FGF14: variants seen among roughly 807,000 people sequenced by gnomAD.
FGF14 encodes fibroblast growth factor 14, also known as fibroblast growth factor homologous factor 4.
FGF14 carries 5 observed loss-of-function variants against 25.5 expected under a neutral mutation model. That is an observed-to-expected ratio of 0.20 (90% confidence interval 0.10 to 0.41). The LOEUF is 0.41. Among genes scored for constraint, FGF14 ranks in the 10% least tolerant of loss-of-function variants. The pLI is 1.00. For synonymous variants in FGF14, 138 were observed against 118.3 expected, an observed-to-expected ratio of 1.17 and a Z score of -1.08; for missense variants, 222 against 320.1, an observed-to-expected ratio of 0.69 and a Z score of 2.34.
chr13:102,235,059 A>C (rs770712582), intron 1 of FGF14, among the ~76,000 whole-genome samples: 3 of 152,230 alleles, frequency 2.0e-5, no homozygotes, highest in Non-Finnish European at 4.4e-5. Context: ...GGCCAAACCA[A>C]TGTATCATTT....
chr13:102,082,504 G>C (rs1386492592), intron 1 of FGF14, among the ~76,000 whole-genome samples: 1 of 152,152 alleles, frequency 6.6e-6, no homozygotes, highest in Non-Finnish European at 1.5e-5. Context: ...GGATAAACAA[G>C]TGACTTAAAT....
chr13:101,842,398 C>T (rs144165827), intron 3 of FGF14, among the ~76,000 whole-genome samples: 344 of 152,082 alleles, frequency 2.3e-3, no homozygotes, highest in African/African-American at 8.1e-3. Context: ...ATTAGTTTTA[C>T]AAATGGCAAA....
chr13:102,335,557 T>G (rs2056766355), intron 1 of FGF14, among the ~76,000 whole-genome samples: 1 of 151,802 alleles, frequency 6.6e-6, no homozygotes, highest in Non-Finnish European at 1.5e-5. Flanking sequence ...CGAATGCCTA[T>G]GAAAGAAAGA....
At chr13:101,893,234 T>C (rs1474443138) in intron 1 of FGF14, among the ~76,000 whole-genome samples, 2 of 152,226 alleles carry the variant, frequency 1.3e-5, no homozygotes, top group African/African-American at 4.8e-5. Context: ...CTATTCACCC[T>C]GTCATCACCT....
intron 1 of FGF14, among the ~76,000 whole-genome samples, chr13:102,147,542 G>A (rs2046903582): frequency 6.6e-6 from 1 of 152,238 alleles, no homozygotes; most frequent in African/African-American, 2.4e-5. Context: ...TATTGTGACA[G>A]TGCAGAGATA....
intron 1 of FGF14, among the ~76,000 whole-genome samples, chr13:102,012,091 G>A (rs2040111219): frequency 6.6e-6 from 1 of 152,124 alleles, no homozygotes; most frequent in Non-Finnish European, 1.5e-5. Flanking sequence ...TGCTGCCACT[G>A]AGGGAGATGT....
chr13:102,067,416 A>G (rs1292655210), intron 1 of FGF14, among the ~76,000 whole-genome samples: 1 of 152,070 alleles, frequency 6.6e-6, no homozygotes, highest in South Asian at 2.1e-4. Flanking sequence ...ATGTAATGAG[A>G]TGCTTTCTTT....
chr13:102,400,288 G>A lies in FGF14; in HGVS notation c.208+1183C>T, dbSNP rs1181751807. On this transcript the variant is annotated intron_variant, in intron 1 of 4. Coordinates refer to the FGF14 transcript ENST00000376131. The surrounding 1 kb of genome is among the most constrained non-coding windows in gnomAD (Gnocchi z 4.3). ...CTGCACCGCAGTGCCAGCGTCAGGA[G>A]CTTCCAGAGCCCGGGCTGCCACTGC... is the stretch of plus-strand genomic sequence containing the variant. Among the ~76,000 whole-genome samples, 2 of 152,200 alleles carry A rather than the reference G, an allele frequency of 1.3e-5. No individual in the cohort carries two copies. Among genetic ancestry groups the A allele is most frequent in the African/African-American group, 4.8e-5 (2 of 41,456 alleles).
chr13:102,064,192 G>A (rs904623085), intron 1 of FGF14, among the ~76,000 whole-genome samples: 1 of 151,986 alleles, frequency 6.6e-6, no homozygotes. Flanking sequence ...GTACCACCAG[G>A]CATAAAACTT....
intron 2 of FGF14, among the ~76,000 whole-genome samples, chr13:101,871,971 A>C (rs1438922116): frequency 1.3e-5 from 2 of 152,010 alleles, no homozygotes; most frequent in East Asian, 3.9e-4. Flanking sequence ...AGGGGCACCA[A>C]CGTTTGCCTA....
chr13:101,753,890 C>T (rs2139857186), intron 3 of FGF14, among the ~76,000 whole-genome samples: 1 of 152,098 alleles, frequency 6.6e-6, no homozygotes, highest in African/African-American at 2.4e-5. Flanking sequence ...CAAAAAACAT[C>T]CTTTAAATGC....
At chr13:102,072,157 A>G (rs1235195587) in intron 1 of FGF14, among the ~76,000 whole-genome samples, 1 of 152,216 alleles carries the variant, frequency 6.6e-6, no homozygotes, top group Admixed American at 6.5e-5. Flanking sequence ...AAGGCAATGT[A>G]TAAAGGCATT....
chr13:101,885,739 T>C (rs915253252), intron 1 of FGF14, among the ~76,000 whole-genome samples: 23 of 146,536 alleles, frequency 1.6e-4, no homozygotes, highest in African/African-American at 3.0e-4. Context: ...TGGAGAACCA[T>C]AGGCCAGAGA....
chr13:101,895,333 C>T (rs2138930609), intron 1 of FGF14, among the ~76,000 whole-genome samples: 1 of 152,166 alleles, frequency 6.6e-6, no homozygotes, highest in Middle Eastern at 3.4e-3. Context: ...GCCTTTAGTC[C>T]TTTATAAGTA....
At chr13:101,786,685 C>T (rs1006764260) in intron 3 of FGF14, among the ~76,000 whole-genome samples, 3 of 152,164 alleles carry the variant, frequency 2.0e-5, no homozygotes, top group Admixed American at 6.5e-5. Context: ...CCTTAAAAGC[C>T]TTATCTTCAA....
chr13:101,806,337 T>C (rs2140159040), intron 3 of FGF14, among the ~76,000 whole-genome samples: 1 of 151,456 alleles, frequency 6.6e-6, no homozygotes, highest in East Asian at 2.0e-4. Context: ...GAGAATTGCT[T>C]GAATCTGGAA....
intron 1 of FGF14, among the ~76,000 whole-genome samples, chr13:102,178,603 G>A (rs1163928657): frequency 6.6e-6 from 1 of 151,948 alleles, no homozygotes; most frequent in Non-Finnish European, 1.5e-5. Flanking sequence ...ACGTGTACAC[G>A]TTATTTAGCT....
At chr13:102,049,599 C>T (rs1317508574) in intron 1 of FGF14, among the ~76,000 whole-genome samples, 2 of 152,122 alleles carry the variant, frequency 1.3e-5, no homozygotes, top group Admixed American at 6.5e-5. Flanking sequence ...TTCTAACCAC[C>T]AGTACCTTAG....
At chr13:102,086,098 C>T (rs1420079906) in intron 1 of FGF14, among the ~76,000 whole-genome samples, 1 of 152,186 alleles carries the variant, frequency 6.6e-6, no homozygotes, top group Non-Finnish European at 1.5e-5. Flanking sequence ...CACTAGCTAG[C>T]AAGTTATGCT....
Sources: allele counts gnomAD v4.1 joint callset (sites outside exome capture counted in the v4.1 genomes callset), GRCh38; gene constraint gnomAD v4.1.1; non-coding constraint Gnocchi (gnomAD v3.1); transcripts MANE v1.5; gene names NCBI Gene and HGNC (gene_info 2026-07-23, HGNC 2026-07-21).